The following REEP3 variants were observed in gnomAD, a reference collection of about 807,000 sequenced individuals.
REEP3 encodes receptor expression-enhancing protein 3.
A neutral mutation model predicts 41.3 loss-of-function variants in REEP3; 20 were observed. The ratio of observed to expected loss-of-function variants is 0.48; its 90% CI spans 0.34 to 0.70. The LOEUF (loss-of-function observed/expected upper bound fraction) is 0.70, where lower values mean the gene tolerates loss of function less well. REEP3 is among the 30% of genes least tolerant of loss of function. The pLI, the probability that REEP3 is intolerant of heterozygous loss-of-function variation, is 0.01. For synonymous variants in REEP3, 104 were observed against 101.8 expected, an observed-to-expected ratio of 1.02 and a Z score of -0.13; for missense variants, 271 against 308.8, an observed-to-expected ratio of 0.88 and a Z score of 0.92.
chr10:63,556,569 TTTTTGTTTTGTTTTGTTTTG>T (rs71025191), intron 1 of REEP3, among the ~76,000 whole-genome samples: 4 of 130,382 alleles, frequency 3.1e-5, no homozygotes, highest in Non-Finnish European at 4.7e-5. Flanking sequence ...ATTGGTGGGG[TTTTTGTTTTGTTTTGTTTTG>T]TTTTGTTTTG....
At chr10:63,535,717 G>GA (rs1955467621) in intron 1 of REEP3, among the ~76,000 whole-genome samples, 1 of 152,086 alleles carries the variant, frequency 6.6e-6, no homozygotes, top group African/African-American at 2.4e-5. Flanking sequence ...GACAGTGGTA[G>GA]AATTCAAAAT....
intron 2 of REEP3, among the ~76,000 whole-genome samples, chr10:63,574,889 G>C (rs896604583): frequency 2.8e-5 from 3 of 109,012 alleles, no homozygotes; most frequent in African/African-American, 3.5e-5. Context: ...ACAGAGTCTC[G>C]CTCTGTCGCC....
intron 1 of REEP3, among the ~76,000 whole-genome samples, chr10:63,530,900 T>C (rs1955414669): frequency 6.6e-6 from 1 of 152,242 alleles, no homozygotes; most frequent in South Asian, 2.1e-4. Context: ...TGTCATTGAT[T>C]ACACATTTGC....
At chr10:63,586,557 C>T (rs1239642089) in intron 2 of REEP3, among the ~76,000 whole-genome samples, 1 of 152,006 alleles carries the variant, frequency 6.6e-6, no homozygotes, top group Admixed American at 6.5e-5. Context: ...AGGTAAAGTG[C>T]TCCAGTAGTG....
At chr10:63,606,700 A>G (rs970029804) in intron 5 of REEP3, among the ~76,000 whole-genome samples, 1 of 152,228 alleles carries the variant, frequency 6.6e-6, no homozygotes, top group Non-Finnish European at 1.5e-5. Context: ...TGTGGCCTCA[A>G]AAATAGACAT....
chr10:63,549,548 CGTT>C (rs1321673959), intron 1 of REEP3, among the ~76,000 whole-genome samples: 1 of 152,102 alleles, frequency 6.6e-6, no homozygotes, highest in Non-Finnish European at 1.5e-5. Context: ...GTTTGGGTGA[CGTT>C]GTCGAAGGGA....
At chr10:63,581,851 G>A (rs1955956978) in intron 2 of REEP3, among the ~76,000 whole-genome samples, 1 of 149,182 alleles carries the variant, frequency 6.7e-6, no homozygotes, top group African/African-American at 2.5e-5. Flanking sequence ...TGAGAAGTAT[G>A]CTAAAGGTTC....
intron 2 of REEP3, among the ~76,000 whole-genome samples, chr10:63,590,519 AT>A (rs34524650): frequency 0.52 from 77,706 of 150,402 alleles, 20,398 homozygotes; most frequent in East Asian, 0.69. Flanking sequence ...GATCAAGGAA[AT>A]TTTTTTTTTT....
chr10:63,592,454 T>C (rs1359465953), intron 2 of REEP3, among the ~76,000 whole-genome samples: 1 of 152,182 alleles, frequency 6.6e-6, no homozygotes, highest in Non-Finnish European at 1.5e-5. Context: ...TTGTTTTCGG[T>C]AAAGGGTTGT....
chr10:63,544,997 GA>G (rs1210581903), intron 1 of REEP3, among the ~76,000 whole-genome samples: 2 of 152,106 alleles, frequency 1.3e-5, no homozygotes, highest in East Asian at 3.8e-4. Flanking sequence ...ATGACCAGCA[GA>G]AAAAGTTATC....
intron 1 of REEP3, among the ~76,000 whole-genome samples, chr10:63,527,847 A>G (rs1955380816): frequency 6.6e-6 from 1 of 152,174 alleles, no homozygotes; most frequent in African/African-American, 2.4e-5. Context: ...CACTTGGCCA[A>G]ACTGTTTGAT....
intron 5 of REEP3, among the ~76,000 whole-genome samples, chr10:63,606,991 A>G (rs1014875956): frequency 3.9e-5 from 6 of 152,244 alleles, no homozygotes; most frequent in Non-Finnish European, 7.3e-5. Context: ...ACTTACCGTT[A>G]ATATAGCAAA....
chr10:63,561,608 G>T lies in REEP3; in HGVS notation c.33-4730G>T, dbSNP rs555164714. On this transcript the variant is annotated intron_variant, in intron 1 of 7. Transcript: ENST00000373758. ...CCCGCTAGTGAAGTCTTTAAGTGAG[G>T]CAGTGCTGCAGGTATATTAGAAAAA... Among the ~76,000 whole-genome samples, 31 of 152,386 alleles carry T rather than the reference G, an allele frequency of 2.0e-4. No homozygotes were observed. The South Asian group carries it at 5.6e-3, about 27-fold the overall frequency.
chr10:63,556,569 TTTTTGTTTTG>T (rs71025191), intron 1 of REEP3, among the ~76,000 whole-genome samples: 39 of 130,390 alleles, frequency 3.0e-4, no homozygotes, highest in South Asian at 5.0e-4. Flanking sequence ...ATTGGTGGGG[TTTTTGTTTTG>T]TTTTGTTTTG....
At chr10:63,536,181 A>G (rs772049316) in intron 1 of REEP3, among the ~76,000 whole-genome samples, 14 of 152,238 alleles carry the variant, frequency 9.2e-5, no homozygotes, top group Non-Finnish European at 1.6e-4. Context: ...GCTGCCAAGT[A>G]GCAAAGCTAT....
At chr10:63,548,056 TAAG>T (rs1376427648) in intron 1 of REEP3, among the ~76,000 whole-genome samples, 1 of 152,202 alleles carries the variant, frequency 6.6e-6, no homozygotes. Context: ...TTGATTGTCA[TAAG>T]AAGATTTTCA....
At chr10:63,585,712 A>G (rs1955999600) in intron 2 of REEP3, among the ~76,000 whole-genome samples, 1 of 152,182 alleles carries the variant, frequency 6.6e-6, no homozygotes, top group Non-Finnish European at 1.5e-5. Flanking sequence ...TTGCTATCAT[A>G]ATGTCTCACT....
chr10:63,539,596 C>G (rs1955508228), intron 1 of REEP3, among the ~76,000 whole-genome samples: 3 of 152,086 alleles, frequency 2.0e-5, no homozygotes, highest in Non-Finnish European at 4.4e-5. Flanking sequence ...AGTTCGAGAT[C>G]AGCCTGGGCA....
chr10:63,527,834 C>A (rs778354171), intron 1 of REEP3, among the ~76,000 whole-genome samples: 18 of 152,264 alleles, frequency 1.2e-4, no homozygotes, highest in African/African-American at 4.3e-4. Context: ...CAATAGTGAC[C>A]GCCACTTGGC....
Sources: allele counts gnomAD v4.1 joint callset (sites outside exome capture counted in the v4.1 genomes callset), GRCh38; gene constraint gnomAD v4.1.1; transcripts MANE v1.5; gene names NCBI Gene and HGNC (gene_info 2026-07-23, HGNC 2026-07-21).